The following ACOT1 variants were observed in gnomAD, a reference collection of about 807,000 sequenced individuals.
ACOT1 encodes acyl-CoA thioesterase 1.
Under a neutral mutation model 15.7 loss-of-function variants are expected in ACOT1, and 8 were observed. That is an observed-to-expected ratio of 0.51 (90% CI 0.30 to 0.92). The LOEUF (loss-of-function observed/expected upper bound fraction) is 0.92. Among genes scored for constraint, ACOT1 ranks in the 40% least tolerant of loss-of-function variants. ACOT1 has a pLI of 0.06. For missense variants in ACOT1, 151 were observed against 539.4 expected (o/e 0.28, Z 7.13); for synonymous variants, 67 against 241.2 (o/e 0.28, Z 6.69).
chr14:73,506,804 GTTT>G, the ACOT1 span, among the ~76,000 whole-genome samples: 189 of 80,474 alleles, frequency 2.3e-3, 3 homozygotes, highest in African/African-American at 7.5e-3. Flanking sequence ...GACTTTAACT[GTTT>G]TTTTTTTTTT....
At chr14:73,509,866 A>ATATATATTTATATATT in the ACOT1 span, among the ~76,000 whole-genome samples, 2 of 67,524 alleles carry the variant, frequency 3.0e-5, no homozygotes, top group African/African-American at 1.3e-4. Context: ...ATATATATAT[A>ATATATATTTATATATT]TATTTATTTA....
the ACOT1 span, among the ~76,000 whole-genome samples, chr14:73,494,609 G>A: frequency 6.6e-6 from 1 of 152,134 alleles, no homozygotes; most frequent in Non-Finnish European, 1.5e-5. Context: ...GGGGTACAGT[G>A]GTGAGATATT....
At chr14:73,525,118 C>T in the ACOT1 span, among the ~76,000 whole-genome samples, 1 of 152,172 alleles carries the variant, frequency 6.6e-6, no homozygotes, top group Non-Finnish European at 1.5e-5. Context: ...CAGCCTCAAC[C>T]TCCTGGGCCC....
the ACOT1 span, among the ~76,000 whole-genome samples, chr14:73,519,736 G>A: frequency 9.9e-5 from 15 of 151,992 alleles, no homozygotes; most frequent in African/African-American, 2.7e-4. Context: ...GAAAAGAACC[G>A]GCTGGGCACC....
chr14:73,491,181 C>T, the ACOT1 span: 4 of 1,598,976 alleles, frequency 2.5e-6, no homozygotes, highest in Middle Eastern at 1.7e-4. Flanking sequence ...GCGCTGAGGA[C>T]GCAGACGCTG....
At chr14:73,492,085 C>A in the ACOT1 span, 1 of 1,613,992 alleles carries the variant, frequency 6.2e-7, no homozygotes, top group Non-Finnish European at 8.5e-7. The surrounding 1 kb of genome is among the most constrained non-coding windows in gnomAD (Gnocchi z 4.9). Flanking sequence ...GTAGGAAACT[C>A]TGGCGTGTAT....
the ACOT1 span, among the ~76,000 whole-genome samples, chr14:73,528,212 T>C: frequency 6.6e-6 from 1 of 151,840 alleles, no homozygotes; most frequent in Non-Finnish European, 1.5e-5. Context: ...CTGGCCAACA[T>C]GGCGAAGCCC....
At chr14:73,515,169 A>G in the ACOT1 span, among the ~76,000 whole-genome samples, 1 of 152,078 alleles carries the variant, frequency 6.6e-6, no homozygotes, top group Admixed American at 6.6e-5. Flanking sequence ...AAAAAGCTCT[A>G]TGGAGAAGGG....
chr14:73,524,308 AAAATAT>A, the ACOT1 span, among the ~76,000 whole-genome samples: 3,710 of 82,752 alleles, frequency 0.045, 48 homozygotes, highest in Non-Finnish European at 0.066. Flanking sequence ...AAAAAAAAAA[AAAATAT>A]ATATATATAT....
the ACOT1 span, chr14:73,493,456 A>C: frequency 3.9e-6 from 1 of 259,230 alleles, no homozygotes; most frequent in Non-Finnish European, 7.9e-6. Context: ...AGCGGGAGGA[A>C]GATAGGGAAA....
the ACOT1 span, chr14:73,491,001 A>G: frequency 6.5e-6 from 9 of 1,380,272 alleles, no homozygotes; most frequent in African/African-American, 1.2e-4. Context: ...GGCGGGGAAG[A>G]CTGGTGTGGT....
At chr14:73,511,986 A>C in the ACOT1 span, 31 of 1,613,698 alleles carry the variant, frequency 1.9e-5, 3 homozygotes, top group African/African-American at 2.0e-4. Context: ...GTTCTCAAGC[A>C]GTTCAGCTTT....
the ACOT1 span, among the ~76,000 whole-genome samples, chr14:73,512,353 A>C: frequency 6.6e-6 from 1 of 152,222 alleles, no homozygotes; most frequent in African/African-American, 2.4e-5. Context: ...GTTCCCAGAC[A>C]AAACTTCTCC....
chr14:73,499,707 A>G, the ACOT1 span, among the ~76,000 whole-genome samples: 1 of 152,106 alleles, frequency 6.6e-6, no homozygotes, highest in Non-Finnish European at 1.5e-5. Context: ...GAACACTTCA[A>G]ACAGATTTTT....
At chr14:73,525,201 G>GT in the ACOT1 span, among the ~76,000 whole-genome samples, 1 of 151,898 alleles carries the variant, frequency 6.6e-6, no homozygotes, top group Non-Finnish European at 1.5e-5. Context: ...CCAGCTATCT[G>GT]TTTTTTATTT....
chr14:73,506,814 T>G, the ACOT1 span, among the ~76,000 whole-genome samples: 9 of 132,494 alleles, frequency 6.8e-5, no homozygotes, highest in South Asian at 9.3e-4. Context: ...GTTTTTTTTT[T>G]TTTTTTTTTT....
chr14:73,495,547 C>T, the ACOT1 span, among the ~76,000 whole-genome samples: 10 of 152,030 alleles, frequency 6.6e-5, no homozygotes, highest in Non-Finnish European at 1.3e-4. Context: ...CATGCCACTG[C>T]ACTCCAGCCT....
the ACOT1 span, chr14:73,496,516 A>C: frequency 6.4e-6 from 5 of 778,058 alleles, no homozygotes; most frequent in Non-Finnish European, 6.8e-6. Flanking sequence ...GAAAAAGGGT[A>C]TGTACATGTT....
chr14:73,512,368 C>T, the ACOT1 span, among the ~76,000 whole-genome samples: 1 of 152,266 alleles, frequency 6.6e-6, no homozygotes, highest in Admixed American at 6.5e-5. Context: ...TTCTCCCAAC[C>T]CCATCGTATC....
Sources: gnomAD v4.1 joint callset for allele counts (sites outside exome capture counted in the v4.1 genomes callset) on GRCh38, gnomAD v4.1.1 for gene constraint, Gnocchi (gnomAD v3.1) non-coding constraint, MANE v1.5 for transcripts, NCBI Gene and HGNC (gene_info 2026-07-23, HGNC 2026-07-21) for gene names.